The following KHDC4 variants were observed in gnomAD, a reference collection of about 807,000 sequenced individuals.
The protein encoded by KHDC4 is KH homology domain-containing protein 4.
KHDC4 carries 19 observed loss-of-function variants against 74.5 expected under a neutral mutation model. The ratio of observed to expected loss-of-function variants is 0.26; its 90% CI spans 0.18 to 0.37. The LOEUF (loss-of-function observed/expected upper bound fraction) is 0.37, where lower values mean the gene tolerates loss of function less well. Among genes scored for constraint, KHDC4 ranks in the 10% least tolerant of loss-of-function variants. The probability of loss-of-function intolerance (pLI) is 1.00; values close to 1 mark genes in which losing one functional copy is unlikely to be tolerated. For synonymous variants in KHDC4, 253 were observed against 266.1 expected (o/e 0.95, Z 0.48); for missense variants, 632 against 754.1 (o/e 0.84, Z 1.90).
chr1:155,933,913 T>C (rs887341764), intron 1 of KHDC4, 64 bp from the exon 2 acceptor site: 2 of 1,311,416 alleles, frequency 1.5e-6, no homozygotes, highest in Non-Finnish European at 2.0e-6. Context: ...CTTTCCTTAC[T>C]ACGCCTTAGC....
At chr1:155,924,273 G>T (rs545150367) in intron 7 of KHDC4, among the ~76,000 whole-genome samples, 30 of 150,540 alleles carry the variant, frequency 2.0e-4, no homozygotes, top group Admixed American at 1.5e-3. Flanking sequence ...GCAGTGGCGC[G>T]ATCTCAGCTC....
chr1:155,923,806 T>C (rs1572009327), intron 7 of KHDC4, 119 bp from the exon 8 acceptor site: 1 of 691,620 alleles, frequency 1.4e-6, no homozygotes, highest in East Asian at 2.8e-5. Flanking sequence ...GTAGCTCAAA[T>C]CTAGGCCTCT....
intron 10 of KHDC4, among the ~76,000 whole-genome samples, chr1:155,918,307 C>T (rs1325471152): frequency 1.3e-5 from 2 of 152,074 alleles, no homozygotes; most frequent in Non-Finnish European, 2.9e-5. Flanking sequence ...GGTGCCAACT[C>T]GGCTCACTAC....
At chr1:155,934,224 C>G in intron 1 of KHDC4, 112 bp downstream of exon 1, 1 of 1,145,084 alleles carries the variant, frequency 8.7e-7, no homozygotes, top group Non-Finnish European at 1.3e-6. Context: ...AAACGTCCAG[C>G]CCTTTACTTC....
intron 13 of KHDC4, chr1:155,915,150 C>T (rs1673704776): frequency 6.6e-6 from 1 of 151,706 alleles, no homozygotes; most frequent in South Asian, 2.1e-4. Context: ...GACAGAGTCT[C>T]ACTCTAGTGC....
intron 7 of KHDC4, among the ~76,000 whole-genome samples, 172 bp downstream of exon 7, chr1:155,925,460 C>T (rs1032804980): frequency 2.0e-5 from 3 of 152,160 alleles, no homozygotes; most frequent in Admixed American, 6.6e-5. Flanking sequence ...AGCCACCGTG[C>T]CCCAATTCTA....
chr1:155,933,877 G>A (rs1376277893), intron 1 of KHDC4, 28 bp from the exon 2 acceptor site: 4 of 1,473,098 alleles, frequency 2.7e-6, no homozygotes, highest in African/African-American at 2.8e-5. Context: ...AAAACATTAG[G>A]CCCCAAAGCT....
At position 155,929,827 on chromosome 1, in the gene KHDC4, C is replaced by A; in HGVS notation, c.269G>T (p.Gly90Val). 1.3e-6 allele frequency: 2 copies of A among 1,591,980 alleles called. No homozygotes were observed. The highest frequency in any genetic ancestry group is 1.7e-6 in the Non-Finnish European group (2 of 1,169,888). The change falls in exon 3 of 14, where the codon GGC (glycine) becomes GTC (valine). Residue 90 changes from glycine to valine, a missense_variant. Coordinates refer to ENST00000368321, the MANE Select transcript of KHDC4 (RefSeq NM_014949.4). Reference sequence around the variant, plus strand: ...GCTTTTATTGCTAGTTAGGCCTTTGCCAGGAGCCTGAAGCTAGAAAAAAGA... The same window carrying A: ...GCTTTTATTGCTAGTTAGGCCTTTGACAGGAGCCTGAAGCTAGAAAAAAGA... ...QNASEKLQAP[G>V]KGLTSNKSKD...
At chr1:155,927,242 G>T in intron 4 of KHDC4, 86 bp from the exon 5 acceptor site, 1 of 1,031,206 alleles carries the variant, frequency 9.7e-7, no homozygotes. Context: ...AATTTGTAAT[G>T]TTTCAAGTTT....
chr1:155,925,190 C>T (rs1204138222), intron 7 of KHDC4, among the ~76,000 whole-genome samples: 2 of 152,078 alleles, frequency 1.3e-5, no homozygotes, highest in Non-Finnish European at 2.9e-5. Context: ...CCACACCCGG[C>T]TAATTTTTTT....
chr1:155,932,663 A>C (rs2102611046), intron 2 of KHDC4: 1 of 152,348 alleles, frequency 6.6e-6, no homozygotes, highest in Middle Eastern at 3.4e-3. Flanking sequence ...GACTCACACA[A>C]TCTTTGCAAA....
intron 13 of KHDC4, chr1:155,915,635 G>A (rs1673714730): frequency 4.5e-6 from 2 of 443,674 alleles, no homozygotes; most frequent in Admixed American, 4.2e-5. Context: ...AACCCCCTGA[G>A]TAGCTGGAAT....
chr1:155,924,714 T>G (rs1005627615), intron 7 of KHDC4, among the ~76,000 whole-genome samples: 4 of 150,060 alleles, frequency 2.7e-5, no homozygotes, highest in African/African-American at 9.8e-5. Flanking sequence ...GCTGGGATTA[T>G]AGGTGCCTGC....
rs1370602606 is a variant in KHDC4 at position 155,921,914 on chromosome 1, T to C, written c.959A>G (p.His320Arg). ...ATTCACAAATCTAGAGTATTCAGCATGAACCTGAAAGAGAGGGGGAAACAA... is the reference window on the plus strand; with the variant it reads ...ATTCACAAATCTAGAGTATTCAGCACGAACCTGAAAGAGAGGGGGAAACAA... ...KLCENLLQTVHAEYSRFVNQI... is the reference protein window; with the variant it reads ...KLCENLLQTVRAEYSRFVNQI... Residue 320 changes from histidine to arginine, a missense_variant, in exon 9 of 14, where the codon CAT becomes CGT. Around this residue, in one of 4 missense-constraint regions of KHDC4, gnomAD observed 233 missense variants for 342.6 expected, o/e 0.68. Coordinates refer to ENST00000368321, the MANE Select transcript of KHDC4 (RefSeq NM_014949.4). 1 of 1,606,130 alleles carries C rather than the reference T, an allele frequency of 6.2e-7. No individual in the cohort carries two copies. Among genetic ancestry groups the C allele is most frequent in the Non-Finnish European group, 8.5e-7 (1 of 1,173,496 alleles).
intron 2 of KHDC4, among the ~76,000 whole-genome samples, chr1:155,933,044 A>G (rs887459077): frequency 2.6e-5 from 4 of 152,238 alleles, no homozygotes; most frequent in Non-Finnish European, 4.4e-5. Context: ...AAAAGCACAT[A>G]TATTAAAAAC....
chr1:155,929,586 C>G (rs1272084262), intron 3 of KHDC4, 126 bp downstream of exon 3: 3 of 1,178,492 alleles, frequency 2.5e-6, no homozygotes, highest in Admixed American at 4.8e-5. Flanking sequence ...TTAAATTAAA[C>G]CCAATCCTGA....
At position 155,926,656 on chromosome 1, in the gene KHDC4, G is replaced by A. The variant is rs774563692; in HGVS notation, c.681+20C>T. The A allele has an allele frequency of 4.2e-5, 67 of 1,611,802 alleles. No homozygotes were observed. Among genetic ancestry groups the A allele is most frequent in the African/African-American group, 5.3e-5 (4 of 74,818 alleles). ...TTATAGAAATGATAATGCTATTAAC[G>A]ATCCCTCCCCAAAACATACCCCTGA... On this transcript the variant is annotated intron_variant, in intron 6 of 13. Coordinates refer to ENST00000368321, the MANE Select transcript of KHDC4 (RefSeq NM_014949.4).
intron 2 of KHDC4, among the ~76,000 whole-genome samples, chr1:155,932,921 A>G (rs905301842): frequency 4.6e-5 from 7 of 152,198 alleles, no homozygotes; most frequent in African/African-American, 1.4e-4. Flanking sequence ...GGCTGGTGAC[A>G]GAGTGAGACT....
chr1:155,922,977 A>G (rs967000750), intron 8 of KHDC4, among the ~76,000 whole-genome samples: 4 of 152,084 alleles, frequency 2.6e-5, no homozygotes, highest in Non-Finnish European at 5.9e-5. Context: ...AGGCCGAGGC[A>G]GGCGGATCAC....
Sources: allele counts gnomAD v4.1 joint callset (sites outside exome capture counted in the v4.1 genomes callset), GRCh38; gene constraint gnomAD v4.1.1; regional missense constraint gnomAD v4.1.1; transcripts MANE v1.5; gene names NCBI Gene and HGNC (gene_info 2026-07-23, HGNC 2026-07-21).